SLC44A3: variants seen among roughly 807,000 people sequenced by gnomAD.
The protein encoded by SLC44A3 is solute carrier family 44 member 3, also known as choline transporter-like protein 3.
Under a neutral mutation model 75.4 loss-of-function variants are expected in SLC44A3, and 74 were observed. That is an observed-to-expected ratio of 0.98 (90% CI 0.81 to 1.19). The LOEUF is 1.19. SLC44A3 is among the 50% of genes most tolerant of loss of function. The pLI, the probability that SLC44A3 is intolerant of heterozygous loss-of-function variation, is 0.00. For synonymous variants in SLC44A3, 310 were observed against 296.9 expected, an observed-to-expected ratio of 1.04 and a Z score of -0.45; for missense variants, 700 against 778.6, an observed-to-expected ratio of 0.90 and a Z score of 1.20.
intron 11 of SLC44A3, among the ~76,000 whole-genome samples, 167 bp downstream of exon 11, chr1:94,865,066 CTT>C (rs1667005416): frequency 6.6e-6 from 1 of 152,146 alleles, no homozygotes; most frequent in African/African-American, 2.4e-5. Context: ...CCCAGCAAAA[CTT>C]TTATTTTCCC....
intron 11 of SLC44A3, 70 bp downstream of exon 11, chr1:94,864,969 A>G: frequency 1.3e-6 from 2 of 1,540,552 alleles, no homozygotes; most frequent in Non-Finnish European, 1.8e-6. Flanking sequence ...CTGGAAAACT[A>G]CAGCAGGTCC....
chr1:94,832,114 G>A (rs1263849339), intron 5 of SLC44A3, among the ~76,000 whole-genome samples: 1 of 152,082 alleles, frequency 6.6e-6, no homozygotes, highest in East Asian at 1.9e-4. Flanking sequence ...GTTGCAGTGA[G>A]CCAAGACCAC....
chr1:94,878,573 G>C lies in SLC44A3; in HGVS notation c.1482+11156G>C, dbSNP rs75971114. ...ACCACACTTAGAACTGACTACAAGG[G>C]AAACTACTTTCTGAGCAGAAGATCC... On this transcript the variant is annotated intron_variant, in intron 12 of 14. Transcript: ENST00000271227. Among the ~76,000 whole-genome samples the C allele has an allele frequency of 1.5e-3, 222 of 152,310 alleles. 3 individuals carry two copies. In the East Asian group the frequency reaches 0.035, roughly 24 times the overall value.
At chr1:94,883,957 C>T (rs969580356) in intron 12 of SLC44A3, among the ~76,000 whole-genome samples, 7 of 152,116 alleles carry the variant, frequency 4.6e-5, no homozygotes, top group African/African-American at 1.7e-4. Context: ...GGGTGAAGGC[C>T]AAGCAATGTT....
intron 12 of SLC44A3, among the ~76,000 whole-genome samples, chr1:94,872,453 A>G (rs1045950134): frequency 6.6e-6 from 1 of 151,340 alleles, no homozygotes. Flanking sequence ...TTCCTCTTCA[A>G]TGCTTTGTTC....
chr1:94,873,037 G>A (rs1194363698), intron 12 of SLC44A3, among the ~76,000 whole-genome samples: 2 of 152,198 alleles, frequency 1.3e-5, no homozygotes, highest in African/African-American at 2.4e-5. Flanking sequence ...TACTTACAGC[G>A]ATCCTGCCAG....
At chr1:94,892,207 C>A in intron 13 of SLC44A3, 74 bp from the exon 14 acceptor site, 1 of 1,343,102 alleles carries the variant, frequency 7.4e-7, no homozygotes, top group Non-Finnish European at 1.1e-6. Flanking sequence ...TATATTAAAC[C>A]ATTACTTGTA....
chr1:94,839,845 C>T, intron 6 of SLC44A3, 103 bp from the exon 7 acceptor site: 3 of 811,226 alleles, frequency 3.7e-6, no homozygotes, highest in Non-Finnish European at 6.5e-6. Flanking sequence ...GAATACAATC[C>T]TCAGCCGTCA....
intron 2 of SLC44A3, among the ~76,000 whole-genome samples, chr1:94,823,361 A>G (rs1248477442): frequency 6.6e-6 from 1 of 152,190 alleles, no homozygotes; most frequent in African/African-American, 2.4e-5. Flanking sequence ...GACACACACT[A>G]CTAGCAAAGG....
At chr1:94,877,931 A>G (rs886125836) in intron 12 of SLC44A3, among the ~76,000 whole-genome samples, 3 of 152,162 alleles carry the variant, frequency 2.0e-5, no homozygotes, top group African/African-American at 7.2e-5. Context: ...TGCTTCCATC[A>G]AAGCAACAAC....
At chr1:94,867,188 G>A in intron 11 of SLC44A3, 143 bp from the exon 12 acceptor site, 2 of 534,790 alleles carry the variant, frequency 3.7e-6, no homozygotes, top group Non-Finnish European at 6.5e-6. Flanking sequence ...AGTAGTAGTA[G>A]TATGCACACA....
At chr1:94,871,373 C>T (rs1341806491) in intron 12 of SLC44A3, among the ~76,000 whole-genome samples, 1 of 152,208 alleles carries the variant, frequency 6.6e-6, no homozygotes, top group Non-Finnish European at 1.5e-5. Flanking sequence ...GTCAAAGCGT[C>T]TGGGAGTGTT....
intron 3 of SLC44A3, 114 bp downstream of exon 3, chr1:94,824,749 T>G (rs6541372): frequency 7.6e-7 from 1 of 1,314,970 alleles, no homozygotes; most frequent in Admixed American, 2.7e-5. Context: ...CAGCCTATTT[T>G]ATAAAAAGGA....
intron 12 of SLC44A3, among the ~76,000 whole-genome samples, chr1:94,873,001 A>G (rs1437404002): frequency 6.6e-6 from 1 of 152,224 alleles, no homozygotes; most frequent in Non-Finnish European, 1.5e-5. Context: ...ATGTGAATGA[A>G]CAAAGAGGAG....
chr1:94,856,667 G>A (rs1002828911), intron 9 of SLC44A3, among the ~76,000 whole-genome samples: 1 of 152,108 alleles, frequency 6.6e-6, no homozygotes, highest in African/African-American at 2.4e-5. Context: ...ATGTGTTTAG[G>A]TTTATATTCT....
chr1:94,829,453 G>C (rs1231450889), intron 5 of SLC44A3, among the ~76,000 whole-genome samples: 1 of 152,126 alleles, frequency 6.6e-6, no homozygotes, highest in Non-Finnish European at 1.5e-5. Context: ...GAGTACACTT[G>C]GTGGGCTCCT....
rs759588872 is a variant in SLC44A3, at chr1:94,828,488, T to C, written c.416-5T>C. Reference sequence around the variant, plus strand: ...AGGTATAATGTCTGTGTGTTCTGCTTCCAGGGTCCTTCCTGTGTGTTTATA... The same window carrying C: ...AGGTATAATGTCTGTGTGTTCTGCTCCCAGGGTCCTTCCTGTGTGTTTATA... On this transcript the variant is annotated splice_region_variant and splice_polypyrimidine_tract_variant and intron_variant, in intron 4 of 14. Coordinates refer to ENST00000271227, the MANE Select transcript of SLC44A3 (RefSeq NM_001114106.3). 1 of 1,612,764 alleles carries C rather than the reference T, an allele frequency of 6.2e-7. No homozygotes were observed. Among genetic ancestry groups the C allele is most frequent in the South Asian group, 1.1e-5 (1 of 90,772 alleles).
chr1:94,894,508 C>G (rs76928060), intron 14 of SLC44A3, among the ~76,000 whole-genome samples: 22 of 152,334 alleles, frequency 1.4e-4, no homozygotes, highest in Non-Finnish European at 3.1e-4. Context: ...GCCCAACAGA[C>G]TTTGTTCCCA....
At chr1:94,845,054 G>A (rs112821563) in intron 8 of SLC44A3, among the ~76,000 whole-genome samples, 64 of 152,164 alleles carry the variant, frequency 4.2e-4, no homozygotes, top group African/African-American at 1.5e-3. Context: ...GAGGGACTGT[G>A]TCTTCTTCGC....
Sources: allele counts gnomAD v4.1 joint callset (sites outside exome capture counted in the v4.1 genomes callset), GRCh38; gene constraint gnomAD v4.1.1; transcripts MANE v1.5; gene names NCBI Gene and HGNC (gene_info 2026-07-23, HGNC 2026-07-21).